EGFLAM: variants seen among roughly 807,000 people sequenced by gnomAD.
EGFLAM encodes the protein EGF like, fibronectin type III and laminin G domains, also known as pikachurin.
In EGFLAM, 79 loss-of-function variants were observed where a neutral mutation model predicts 113.1. That is an observed-to-expected ratio of 0.70 (90% CI 0.58 to 0.84). The LOEUF (loss-of-function observed/expected upper bound fraction) is 0.84. Ranked by LOEUF, EGFLAM falls within the 40% of genes least tolerant of loss-of-function variation. The probability of loss-of-function intolerance (pLI) is 0.00; values close to 1 mark genes in which losing one functional copy is unlikely to be tolerated. For missense variants in EGFLAM, 1,265 were observed against 1,291.6 expected, an observed-to-expected ratio of 0.98 and a Z score of 0.32; for synonymous variants, 504 against 487.6, an observed-to-expected ratio of 1.03 and a Z score of -0.44.
chr5:38,430,379 C>T (rs1742151360), intron 14 of EGFLAM, among the ~76,000 whole-genome samples: 1 of 152,140 alleles, frequency 6.6e-6, no homozygotes, highest in Non-Finnish European at 1.5e-5. Flanking sequence ...TCACTGAACC[C>T]CATTTCAGGC....
At chr5:38,424,028 C>T (rs1254237854) in intron 12 of EGFLAM, among the ~76,000 whole-genome samples, 1 of 152,160 alleles carries the variant, frequency 6.6e-6, no homozygotes, top group Non-Finnish European at 1.5e-5. Context: ...TGGGAGAGAG[C>T]ACAGCTGGAC....
intron 6 of EGFLAM, among the ~76,000 whole-genome samples, chr5:38,375,219 C>T (rs946367730): frequency 3.2e-4 from 48 of 152,120 alleles, no homozygotes; most frequent in African/African-American, 1.2e-3. Context: ...AAAGTCAACC[C>T]GTATATTTCG....
intron 1 of EGFLAM, among the ~76,000 whole-genome samples, chr5:38,275,733 T>C (rs544172503): frequency 2.0e-5 from 3 of 152,294 alleles, no homozygotes; most frequent in South Asian, 2.1e-4. Context: ...CAAACACATA[T>C]AGAACATTCT....
chr5:38,377,152 C>T (rs1389234499), intron 6 of EGFLAM, among the ~76,000 whole-genome samples: 6 of 150,970 alleles, frequency 4.0e-5, no homozygotes, highest in Admixed American at 2.6e-4. Context: ...GACAGAGTCT[C>T]GCTCTGTCAC....
In EGFLAM at chr5:38,425,041, T is replaced by C; in HGVS notation, c.1759T>C (p.Ser587Pro). 2 of 1,614,136 alleles carry C rather than the reference T, an allele frequency of 1.2e-6. No individual in the cohort carries two copies. The highest frequency in any genetic ancestry group is 1.7e-6 in the Non-Finnish European group (2 of 1,180,008). Residue 587 changes from serine to proline, a missense_variant, in exon 13 of 22, where the codon TCC (serine) becomes CCC (proline). Transcript: ENST00000322350. ...GGTCTAIKAD[S>P]YICLCPLGFK... ...CACCTGCACAGCAATCAAAGCCGACTCCTACATTTGCCTCTGTCCCCTTGG... is the reference window on the plus strand; with the variant it reads ...CACCTGCACAGCAATCAAAGCCGACCCCTACATTTGCCTCTGTCCCCTTGG...
At chr5:38,463,699 A>G (rs1743365489) in intron 21 of EGFLAM, 133 bp from the exon 22 acceptor site, 1 of 1,033,122 alleles carries the variant, frequency 9.7e-7, no homozygotes, top group Non-Finnish European at 1.4e-6. Context: ...AGGGGCCCAC[A>G]GCCCTCACAT....
chr5:38,332,382 C>T (rs1739068399), intron 1 of EGFLAM, among the ~76,000 whole-genome samples: 1 of 151,994 alleles, frequency 6.6e-6, no homozygotes, highest in Admixed American at 6.6e-5. Flanking sequence ...TTACCTGACC[C>T]AGGTATTAAG....
chr5:38,284,246 C>T (rs1485124606), intron 1 of EGFLAM: 1 of 152,218 alleles, frequency 6.6e-6, no homozygotes, highest in Admixed American at 6.5e-5. Flanking sequence ...TTTTAAAACA[C>T]AGTTACAGTC....
chr5:38,321,338 G>C (rs1326479525), intron 1 of EGFLAM, among the ~76,000 whole-genome samples: 3 of 152,106 alleles, frequency 2.0e-5, no homozygotes, highest in Admixed American at 1.3e-4. Flanking sequence ...CTAGTAATGG[G>C]GACTGACTGT....
At chr5:38,348,292 G>C (rs992688644) in intron 3 of EGFLAM, among the ~76,000 whole-genome samples, 3 of 152,004 alleles carry the variant, frequency 2.0e-5, no homozygotes, top group Non-Finnish European at 4.4e-5. Context: ...CTAAGGGAGT[G>C]GGAGATGAGT....
intron 6 of EGFLAM, among the ~76,000 whole-genome samples, chr5:38,388,770 A>C (rs74918476): frequency 7.1e-4 from 107 of 151,008 alleles, no homozygotes; most frequent in African/African-American, 2.5e-3. Flanking sequence ...AAAAAAAAAA[A>C]AAAAAAAGTT....
chr5:38,271,330 C>T (rs10512680), intron 1 of EGFLAM, among the ~76,000 whole-genome samples: 62,884 of 152,006 alleles, frequency 0.41, 13,555 homozygotes, highest in Middle Eastern at 0.56. Context: ...GTGTTCTCCG[C>T]CTTCATTTTG....
chr5:38,376,867 C>T (rs1012829417), intron 6 of EGFLAM, among the ~76,000 whole-genome samples: 2 of 152,140 alleles, frequency 1.3e-5, no homozygotes, highest in African/African-American at 4.8e-5. Context: ...GACAAGGTTT[C>T]ACCATGTTGC....
intron 19 of EGFLAM, among the ~76,000 whole-genome samples, chr5:38,452,757 G>C (rs1183186327): frequency 2.0e-5 from 3 of 152,234 alleles, no homozygotes; most frequent in Non-Finnish European, 4.4e-5. Flanking sequence ...CCCAACATGA[G>C]AGTTTTGTAA....
chr5:38,431,350 G>T (rs1742182340), intron 15 of EGFLAM, 62 bp downstream of exon 15: 9 of 1,513,362 alleles, frequency 5.9e-6, no homozygotes, highest in African/African-American at 1.4e-5. Flanking sequence ...TTTTCTGCCT[G>T]TCTTGGTAGA....
intron 19 of EGFLAM, among the ~76,000 whole-genome samples, chr5:38,455,350 C>A (rs1283708482): frequency 6.6e-6 from 1 of 152,132 alleles, no homozygotes; most frequent in Non-Finnish European, 1.5e-5. Context: ...GTTCCCAAGA[C>A]GTGGGTAGAG....
At position 38,355,944 on chromosome 5, in the gene EGFLAM, A is replaced by G. The variant is rs1205288516; in HGVS notation, c.545+3613A>G. ...CCTGGCTAATTTATGTATTTTTAGT[A>G]AGATGGGGTTTCACCGTGTTGGTCA... is the stretch of plus-strand genomic sequence containing the variant. On this transcript the variant is annotated intron_variant, in intron 5 of 21. Transcript: ENST00000322350. Among the ~76,000 whole-genome samples the G allele has an allele frequency of 2.0e-5, 3 of 152,134 alleles. No homozygotes were observed. In the East Asian group the frequency reaches 5.8e-4, roughly 29 times the overall value.
intron 19 of EGFLAM, among the ~76,000 whole-genome samples, chr5:38,454,666 G>A (rs1467053055): frequency 6.6e-6 from 1 of 152,182 alleles, no homozygotes; most frequent in Non-Finnish European, 1.5e-5. Context: ...TGTGCAGTCT[G>A]GAGAGTGAAT....
chr5:38,350,981 C>A (rs1279891716), intron 4 of EGFLAM, among the ~76,000 whole-genome samples: 1 of 152,076 alleles, frequency 6.6e-6, no homozygotes, highest in Admixed American at 6.6e-5. Context: ...AAAGAGAATG[C>A]AACTAATGTT....
Sources: gnomAD v4.1 joint callset for allele counts (sites outside exome capture counted in the v4.1 genomes callset) on GRCh38, gnomAD v4.1.1 for gene constraint, MANE v1.5 for transcripts, NCBI Gene and HGNC (gene_info 2026-07-23, HGNC 2026-07-21) for gene names.